Variants in ILKAP observed in about 807,000 individuals in gnomAD.
ILKAP encodes ILK associated serine/threonine phosphatase.
In ILKAP, 11 loss-of-function variants were observed where a neutral mutation model predicts 49.1. The observed-to-expected ratio is 0.22, with a 90% confidence interval of 0.14 to 0.37. ILKAP has a LOEUF of 0.37. Ranked by LOEUF, ILKAP falls within the 10% of genes least tolerant of loss-of-function variation. ILKAP has a pLI of 1.00. For missense variants in ILKAP, 363 were observed against 510.8 expected, an observed-to-expected ratio of 0.71 and a Z score of 2.79; for synonymous variants, 186 against 192.8, an observed-to-expected ratio of 0.96 and a Z score of 0.29.
intron 9 of ILKAP, among the ~76,000 whole-genome samples, chr2:238,181,861 T>C (rs1389514887): frequency 1.3e-5 from 2 of 152,166 alleles, no homozygotes; most frequent in Non-Finnish European, 2.9e-5. Context: ...CTTTTGCAAA[T>C]GTAGGGAGGC....
At chr2:238,194,907 C>T (rs747007875) in intron 1 of ILKAP, 37 bp from the exon 2 acceptor site, 4 of 1,498,018 alleles carry the variant, frequency 2.7e-6, no homozygotes, top group Admixed American at 3.3e-5. Context: ...AGCATATGGT[C>T]ATCACCCAGG....
intron 10 of ILKAP, among the ~76,000 whole-genome samples, chr2:238,171,317 G>A (rs188308012): frequency 5.9e-5 from 9 of 151,968 alleles, no homozygotes; most frequent in South Asian, 2.1e-4. Flanking sequence ...CCGGCACCAC[G>A]CCCGGGTAAT....
At chr2:238,197,002 G>A (rs1694370170) in intron 1 of ILKAP, among the ~76,000 whole-genome samples, 1 of 152,190 alleles carries the variant, frequency 6.6e-6, no homozygotes, top group South Asian at 2.1e-4. Flanking sequence ...TTCAAGATGA[G>A]CCTGACCAAC....
At chr2:238,182,253 A>C in intron 8 of ILKAP, 67 bp from the exon 9 acceptor site, 1 of 1,573,226 alleles carries the variant, frequency 6.4e-7, no homozygotes, top group South Asian at 1.1e-5. Flanking sequence ...TACCAGTTGA[A>C]AAAAACAGTT....
intron 7 of ILKAP, 27 bp downstream of exon 7, chr2:238,183,993 C>T: frequency 7.1e-7 from 1 of 1,404,536 alleles, no homozygotes; most frequent in South Asian, 1.2e-5. Flanking sequence ...ACAGTCCACT[C>T]AAACTTCATC....
rs148735533 is a variant in ILKAP at position 238,178,539 on chromosome 2, T to C, written c.836+3526A>G. On this transcript the variant is annotated intron_variant, in intron 9 of 11. Transcript: ENST00000254654. ...ACTGTTTTAACAAATAAATATACTG[T>C]TGTTAAGAACCAAGATTTCTAGCAT... Among the ~76,000 whole-genome samples, 35 of 152,340 alleles carry C rather than the reference T, an allele frequency of 2.3e-4. No individual in the cohort carries two copies. The East Asian group carries it at 6.2e-3, about 27-fold the overall frequency.
At position 238,173,536 on chromosome 2, in the gene ILKAP, G is replaced by A. The variant is rs767859076; in HGVS notation, c.954C>T (p.Asp318=). 6.2e-7 allele frequency: 1 copy of A among 1,613,102 alleles called. No individual in the cohort carries two copies. The highest frequency in any genetic ancestry group is 1.7e-5 in the Admixed American group (1 of 59,992). ...GTGCCTCTTATAGGGCCTTTTACCT[G>A]TCATTGGGGGTCAGCTGGCAGCGTC... The part of the protein sequence containing the change: ...DIRRCQLTPN[D]RFILLACDGL... Residue 318 remains aspartate (D), a splice_region_variant and synonymous_variant, in exon 10 of 12, where the codon GAC becomes GAT. Transcript: ENST00000254654.
chr2:238,179,379 G>A (rs892459294), intron 9 of ILKAP, among the ~76,000 whole-genome samples: 1 of 152,188 alleles, frequency 6.6e-6, no homozygotes, highest in African/African-American at 2.4e-5. Context: ...CATTGACCCT[G>A]CTTTTTTAGA....
chr2:238,185,489 T>G (rs1009225475), intron 5 of ILKAP: 19 of 488,906 alleles, frequency 3.9e-5, no homozygotes, highest in African/African-American at 6.0e-5. Context: ...CACAGCATTT[T>G]ATCTTTTTTT....
At chr2:238,171,153 CTTTTTTCTTTTTTTTT>C in intron 10 of ILKAP, 129 bp from the exon 11 acceptor site, 1 of 509,188 alleles carries the variant, frequency 2.0e-6, no homozygotes, top group Admixed American at 3.7e-5. Flanking sequence ...TTTTTTTTTT[CTTTTTTCTTTTTTTTT>C]TTTTTTTGAG....
chr2:238,186,165 A>C (rs897012931), intron 5 of ILKAP: 3 of 152,212 alleles, frequency 2.0e-5, no homozygotes, highest in Non-Finnish European at 2.9e-5. Flanking sequence ...ATATTTACAG[A>C]AACTAACACG....
intron 6 of ILKAP, among the ~76,000 whole-genome samples, chr2:238,184,470 G>A (rs192527116): frequency 3.9e-4 from 59 of 152,138 alleles, no homozygotes; most frequent in African/African-American, 1.4e-3. Context: ...TACAGGCGTG[G>A]GTCACCAGGG....
chr2:238,186,009 G>C (rs2106334142), intron 5 of ILKAP: 1 of 152,268 alleles, frequency 6.6e-6, no homozygotes, highest in African/African-American at 2.4e-5. Context: ...CTAAAATTCA[G>C]AACTCCGTTC....
intron 9 of ILKAP, among the ~76,000 whole-genome samples, chr2:238,175,263 TA>T (rs1288852532): frequency 1.3e-5 from 2 of 150,522 alleles, no homozygotes; most frequent in South Asian, 2.1e-4. Context: ...TCCAGGTAAA[TA>T]AAAAAAAAAT....
intron 5 of ILKAP, 78 bp downstream of exon 5, chr2:238,188,053 A>C: frequency 1.3e-6 from 2 of 1,505,292 alleles, no homozygotes; most frequent in East Asian, 2.3e-5. Flanking sequence ...TAGTAAATAC[A>C]AACTAGCCAG....
At position 238,196,169 on chromosome 2, in the gene ILKAP, C is replaced by T. The variant is rs560569498; in HGVS notation, c.56-1299G>A. 1.6e-3 allele frequency among the ~76,000 whole-genome samples: 238 copies of T among 144,562 alleles called. 2 individuals carry two copies. The highest frequency in any genetic ancestry group is 2.8e-3 in the Non-Finnish European group (190 of 66,908). 94.8% of individuals were successfully genotyped at this position (144,562 alleles called of 152,430 possible). Reference sequence around the variant, plus strand: ...AGTGCAGTAATGTGATCTTCGCTCACTGCCTCCACCTCCCGGGTTCAAGCT... The same window carrying T: ...AGTGCAGTAATGTGATCTTCGCTCATTGCCTCCACCTCCCGGGTTCAAGCT... On this transcript the variant is annotated intron_variant, in intron 1 of 11. Transcript: ENST00000254654.
intron 9 of ILKAP, among the ~76,000 whole-genome samples, chr2:238,179,830 T>C (rs913963815): frequency 6.6e-6 from 1 of 152,086 alleles, no homozygotes; most frequent in East Asian, 1.9e-4. Flanking sequence ...AATACGCAGG[T>C]TCAGAATATT....
At chr2:238,190,133 G>A (rs1416882353) in intron 3 of ILKAP, among the ~76,000 whole-genome samples, 161 bp from the exon 4 acceptor site, 2 of 152,102 alleles carry the variant, frequency 1.3e-5, no homozygotes, top group Non-Finnish European at 2.9e-5. Context: ...GGTTGGCGGG[G>A]AGGGGGAGGG....
rs1228683354 is a variant in ILKAP, at chr2:238,173,840, C to T, written c.837-187G>A. The T allele has an allele frequency of 4.1e-6, 3 of 730,098 alleles. No homozygotes were observed. In the African/African-American group the frequency reaches 5.3e-5, roughly 13 times the overall value. 45.2% of individuals were successfully genotyped at this position (730,098 alleles called of 1,614,324 possible). A position where few individuals can be genotyped will look rare whatever the true frequency, so the allele number is the denominator to read the frequency against. ...GGGTGTCTAGGCCATTAACTGCTGC[C>T]CTGGGGTAGGGACCCTGCCCAGCTG... On this transcript the variant is annotated intron_variant, in intron 9 of 11. Coordinates refer to ENST00000254654, the MANE Select transcript of ILKAP (RefSeq NM_030768.3).
Sources: gnomAD v4.1 joint callset for allele counts (sites outside exome capture counted in the v4.1 genomes callset) on GRCh38, gnomAD v4.1.1 for gene constraint, MANE v1.5 for transcripts, NCBI Gene and HGNC (gene_info 2026-07-23, HGNC 2026-07-21) for gene names.